Variants in METTL24 observed in about 807,000 individuals in gnomAD.
The protein encoded by METTL24 is probable methyltransferase-like protein 24.
METTL24 carries 29 observed loss-of-function variants against 32.7 expected under a neutral mutation model. The observed-to-expected ratio is 0.89, with a 90% CI of 0.66 to 1.21. METTL24 has a LOEUF of 1.21. Among genes scored for constraint, METTL24 ranks in the 50% most tolerant of loss-of-function variants. The pLI is 0.00. For missense variants in METTL24, 439 were observed against 468.1 expected (o/e 0.94, Z 0.57); for synonymous variants, 163 against 179.5 (o/e 0.91, Z 0.73).
chr6:110,250,830 T>C lies in METTL24; in HGVS notation c.787-4570A>G, dbSNP rs1021835844. On this transcript the variant is annotated intron_variant, in intron 4 of 4. Coordinates refer to ENST00000338882, the MANE Select transcript of METTL24 (RefSeq NM_001123364.3). ...GAAACCCCTCTACTTCATGCCTTGG[T>C]TCCTTCTCAGCCACATGATCAGGCC... is the stretch of plus-strand genomic sequence containing the variant. Among the ~76,000 whole-genome samples the C allele has an allele frequency of 1.6e-4, 25 of 152,318 alleles. No individual in the cohort carries two copies. In the South Asian group the frequency reaches 5.2e-3, roughly 32 times the overall value.
At chr6:110,352,406 C>T (rs2114781675) in intron 1 of METTL24, among the ~76,000 whole-genome samples, 1 of 152,274 alleles carries the variant, frequency 6.6e-6, no homozygotes, top group Middle Eastern at 3.4e-3. Context: ...TGTTCAAATA[C>T]TTAAAACACT....
intron 4 of METTL24, among the ~76,000 whole-genome samples, chr6:110,264,696 A>C (rs1770819301): frequency 6.6e-6 from 1 of 152,214 alleles, no homozygotes; most frequent in Admixed American, 6.5e-5. Context: ...GGCACTATTC[A>C]CAATAGCAAA....
At chr6:110,259,202 A>G (rs1357965488) in intron 4 of METTL24, among the ~76,000 whole-genome samples, 2 of 152,158 alleles carry the variant, frequency 1.3e-5, no homozygotes, top group Admixed American at 1.3e-4. Flanking sequence ...GGGGTCAGGG[A>G]ATTCCCTTTC....
chr6:110,298,289 T>G (rs1771456998), intron 4 of METTL24, among the ~76,000 whole-genome samples: 1 of 152,218 alleles, frequency 6.6e-6, no homozygotes, highest in African/African-American at 2.4e-5. Context: ...TATACTACAC[T>G]AAAAATTGCT....
intron 4 of METTL24, among the ~76,000 whole-genome samples, chr6:110,256,222 A>G (rs776843310): frequency 8.5e-5 from 13 of 152,290 alleles, no homozygotes; most frequent in Non-Finnish European, 1.6e-4. Context: ...TGAAAAATAT[A>G]TACAGGAAAT....
In METTL24 at chr6:110,267,196, C is replaced by T. The variant is rs145180723; in HGVS notation, c.787-20936G>A. Among the ~76,000 whole-genome samples, 1,166 of 152,244 alleles carry T rather than the reference C, an allele frequency of 7.7e-3. 8 individuals carry two copies. Among genetic ancestry groups the T allele is most frequent in the African/African-American group, 0.027 (1,112 of 41,538 alleles). The stretch of plus-strand genomic sequence containing the variant: ...TCTGCTTATCATCAACACATATATA[C>T]AAGGCCCAGCCCAAGAGAAAAGGAA... On this transcript the variant is annotated intron_variant, in intron 4 of 4. Transcript: ENST00000338882.
intron 1 of METTL24, among the ~76,000 whole-genome samples, chr6:110,345,243 G>A (rs1445142434): frequency 2.0e-5 from 3 of 152,194 alleles, no homozygotes; most frequent in Admixed American, 1.3e-4. Context: ...TCTCACACCA[G>A]TAAGAAGGCT....
At chr6:110,304,075 C>A (rs971632038) in intron 3 of METTL24, among the ~76,000 whole-genome samples, 1 of 152,072 alleles carries the variant, frequency 6.6e-6, no homozygotes, top group African/African-American at 2.4e-5. Context: ...AGAAGAGGGG[C>A]CTGACTGTTA....
chr6:110,332,919 A>T (rs1405237363), intron 1 of METTL24, among the ~76,000 whole-genome samples: 1 of 152,056 alleles, frequency 6.6e-6, no homozygotes, highest in Admixed American at 6.5e-5. Context: ...GAAAAAAAAA[A>T]AAAAGCAAGT....
At chr6:110,350,872 G>C (rs1306938072) in intron 1 of METTL24, among the ~76,000 whole-genome samples, 1 of 152,078 alleles carries the variant, frequency 6.6e-6, no homozygotes, top group Non-Finnish European at 1.5e-5. Context: ...ACTTTGAGAC[G>C]CTGAGGCAGG....
rs758499749 is a variant in METTL24 at position 110,245,979 on chromosome 6, A to G, written c.1068T>C (p.Tyr356=). ...KKDIFNASSC[Y]TLSWVNTRWK The stretch of plus-strand genomic sequence containing the variant: ...ATCTTGTATTCACCCAACTCAGAGT[A>G]TAACAGCTACTTGCATTGAAAATGT... Residue 356 remains tyrosine, a synonymous_variant, in exon 5 of 5, where the codon TAT becomes TAC. Coordinates refer to ENST00000338882, the MANE Select transcript of METTL24 (RefSeq NM_001123364.3). 5.6e-6 allele frequency: 9 copies of G among 1,614,066 alleles called. No individual in the cohort carries two copies. In the South Asian group the frequency reaches 9.9e-5, roughly 18 times the overall value.
intron 3 of METTL24, among the ~76,000 whole-genome samples, chr6:110,302,079 T>A (rs1382293023): frequency 1.3e-5 from 2 of 151,984 alleles, no homozygotes; most frequent in South Asian, 4.1e-4. Flanking sequence ...ATCGAGATTA[T>A]CCTGGCTAAC....
intron 1 of METTL24, among the ~76,000 whole-genome samples, chr6:110,331,488 G>A (rs1234665757): frequency 6.6e-6 from 1 of 151,842 alleles, no homozygotes; most frequent in Non-Finnish European, 1.5e-5. Flanking sequence ...GCGAGACCCT[G>A]TCTCTACAAA....
chr6:110,299,706 G>A (rs1771486360), intron 3 of METTL24, among the ~76,000 whole-genome samples: 1 of 152,112 alleles, frequency 6.6e-6, no homozygotes, highest in African/African-American at 2.4e-5. Context: ...AACTCAAGAA[G>A]CAGACGGTTT....
chr6:110,329,456 G>T (rs1772074084), intron 1 of METTL24, among the ~76,000 whole-genome samples: 1 of 143,752 alleles, frequency 7.0e-6, no homozygotes, highest in African/African-American at 2.5e-5. Context: ...CTGTTAGTGG[G>T]CAGGAAACAA....
At chr6:110,315,509 A>C (rs1771803658) in intron 2 of METTL24, 28 bp from the exon 3 acceptor site, 1 of 1,611,712 alleles carries the variant, frequency 6.2e-7, no homozygotes, top group Non-Finnish European at 8.5e-7. Flanking sequence ...CAATGTGAAT[A>C]ATTTGAAATG....
intron 1 of METTL24, among the ~76,000 whole-genome samples, chr6:110,346,654 G>A (rs1294145813): frequency 6.6e-6 from 1 of 152,190 alleles, no homozygotes; most frequent in East Asian, 1.9e-4. Flanking sequence ...ACAGGCATGT[G>A]CCATCACGCC....
intron 4 of METTL24, among the ~76,000 whole-genome samples, chr6:110,293,661 G>A (rs988604060): frequency 6.6e-6 from 1 of 151,826 alleles, no homozygotes; most frequent in Non-Finnish European, 1.5e-5. Context: ...CACACTGTAT[G>A]ATTCTGTTTA....
intron 4 of METTL24, among the ~76,000 whole-genome samples, chr6:110,292,123 A>G (rs1771331989): frequency 6.6e-6 from 1 of 152,202 alleles, no homozygotes; most frequent in Admixed American, 6.5e-5. Context: ...ACAATTCTCC[A>G]TTTAACTACT....
Sources: gnomAD v4.1 joint callset for allele counts (sites outside exome capture counted in the v4.1 genomes callset) on GRCh38, gnomAD v4.1.1 for gene constraint, MANE v1.5 for transcripts, NCBI Gene and HGNC (gene_info 2026-07-23, HGNC 2026-07-21) for gene names.